Variants in AMD1 observed in about 807,000 individuals in gnomAD.
AMD1 encodes the protein adenosylmethionine decarboxylase 1.
A neutral mutation model predicts 40.2 loss-of-function variants in AMD1; 11 were observed. The observed-to-expected ratio is 0.27, with a 90% CI of 0.17 to 0.45. The LOEUF is 0.45. Ranked by LOEUF, AMD1 falls within the 20% of genes least tolerant of loss-of-function variation. AMD1 has a pLI of 1.00. For synonymous variants in AMD1, 121 were observed against 130.8 expected, an observed-to-expected ratio of 0.93 and a Z score of 0.51; for missense variants, 257 against 410.2, an observed-to-expected ratio of 0.63 and a Z score of 3.23.
At chr6:110,847,723 T>C in the AMD1 span, among the ~76,000 whole-genome samples, 2 of 111,646 alleles carry the variant, frequency 1.8e-5, no homozygotes, top group African/African-American at 6.4e-5. Flanking sequence ...TTGTTTTTTG[T>C]TTTTTTGAGA....
At chr6:110,851,205 A>G in the AMD1 span, among the ~76,000 whole-genome samples, 1 of 152,098 alleles carries the variant, frequency 6.6e-6, no homozygotes, top group Non-Finnish European at 1.5e-5. Flanking sequence ...ACCTCAGGTG[A>G]TCCATCTGCC....
the AMD1 span, chr6:110,858,652 CGGGGTG>C: frequency 8.2e-7 from 1 of 1,224,930 alleles, no homozygotes; most frequent in African/African-American, 1.5e-5. Context: ...GGCTGCAGAG[CGGGGTG>C]GACATCGGCC....
intron 1 of AMD1, chr6:110,875,474 G>A: frequency 4.9e-6 from 2 of 410,742 alleles, no homozygotes; most frequent in Non-Finnish European, 8.7e-6. Flanking sequence ...GCGCGGCCGC[G>A]TGCTCAGGTA....
the AMD1 span, among the ~76,000 whole-genome samples, chr6:110,820,532 C>T: frequency 6.6e-6 from 1 of 151,872 alleles, no homozygotes; most frequent in Non-Finnish European, 1.5e-5. Context: ...CTACCACACC[C>T]GGCTGGTAGT....
the AMD1 span, among the ~76,000 whole-genome samples, chr6:110,868,193 G>C: frequency 6.6e-6 from 1 of 151,762 alleles, no homozygotes; most frequent in African/African-American, 2.4e-5. Flanking sequence ...TGTCACCCAG[G>C]CTGGAGTACA....
the AMD1 span, among the ~76,000 whole-genome samples, chr6:110,830,078 G>A: frequency 2.6e-5 from 4 of 151,794 alleles, no homozygotes; most frequent in East Asian, 1.9e-4. Flanking sequence ...GCAGTGGCGC[G>A]ATCTCGGCTC....
At chr6:110,871,636 G>C (rs547935809), upstream of AMD1, among the ~76,000 whole-genome samples, 6 of 152,310 alleles carry the variant, frequency 3.9e-5, no homozygotes, top group East Asian at 1.2e-3. Context: ...TCAGTGGAAA[G>C]CTTGAGTTGA....
chr6:110,853,323 T>C, the AMD1 span, among the ~76,000 whole-genome samples: 1 of 151,346 alleles, frequency 6.6e-6, no homozygotes, highest in Admixed American at 6.6e-5. Context: ...TTTTTTTTTT[T>C]TTGAGACGGA....
chr6:110,828,241 G>A, the AMD1 span, among the ~76,000 whole-genome samples: 1 of 152,146 alleles, frequency 6.6e-6, no homozygotes, highest in Non-Finnish European at 1.5e-5. Flanking sequence ...GACCAGCCTG[G>A]CCAACATGGC....
chr6:110,868,056 C>T, the AMD1 span, among the ~76,000 whole-genome samples: 1 of 151,936 alleles, frequency 6.6e-6, no homozygotes, highest in African/African-American at 2.4e-5. Flanking sequence ...AACTCCTGGC[C>T]TCAAGTCACC....
the AMD1 span, among the ~76,000 whole-genome samples, chr6:110,820,090 T>C: frequency 3.3e-5 from 5 of 152,198 alleles, no homozygotes; most frequent in Non-Finnish European, 7.3e-5. Context: ...TTGTTTATCA[T>C]GTAACCAAGA....
At chr6:110,886,585 G>A (rs1019466297) in intron 1 of AMD1, among the ~76,000 whole-genome samples, 4 of 152,144 alleles carry the variant, frequency 2.6e-5, no homozygotes, top group Admixed American at 1.3e-4. Flanking sequence ...GATTACAGGC[G>A]TGAACCACCA....
Position 110,885,908 on chromosome 6 carries a change from G to A in AMD1, c.111-1597G>A, listed in dbSNP as rs145482982. 5.3e-5 allele frequency among the ~76,000 whole-genome samples: 8 copies of A among 152,236 alleles called. No homozygotes were observed. The South Asian group carries it at 8.3e-4, about 16-fold the overall frequency. On this transcript the variant is annotated intron_variant, in intron 1 of 8. Transcript: ENST00000368885. ...GTTGTGTTTGCTTTTTAATACAAACGAATAAAAACATTTTGCTGTTGGATT... is the reference window on the plus strand; with the variant it reads ...GTTGTGTTTGCTTTTTAATACAAACAAATAAAAACATTTTGCTGTTGGATT...
the AMD1 span, among the ~76,000 whole-genome samples, chr6:110,818,596 T>C: frequency 1.3e-5 from 2 of 152,138 alleles, no homozygotes; most frequent in East Asian, 3.8e-4. Context: ...GCTGGAATGC[T>C]GTGGCGCGAT....
At chr6:110,860,832 C>A in the AMD1 span, among the ~76,000 whole-genome samples, 1 of 116,662 alleles carries the variant, frequency 8.6e-6, no homozygotes. Flanking sequence ...AAAACACCCA[C>A]CCACACACAC....
the AMD1 span, among the ~76,000 whole-genome samples, chr6:110,826,352 C>T: frequency 1.3e-5 from 2 of 151,224 alleles, no homozygotes; most frequent in East Asian, 1.9e-4. Context: ...AAGGGTTGCC[C>T]GCCTCCTTCT....
upstream of AMD1, chr6:110,874,761 G>C (rs546683314): frequency 2.2e-5 from 4 of 182,848 alleles, no homozygotes; most frequent in African/African-American, 7.1e-5. Context: ...GGATATATAA[G>C]GGCGGTGCTC....
the AMD1 span, chr6:110,814,895 C>T: frequency 7.1e-7 from 1 of 1,408,996 alleles, no homozygotes; most frequent in Non-Finnish European, 9.8e-7. Context: ...CCCCGCGACC[C>T]CCTCCGCCTC....
chr6:110,874,271 C>G (rs946388903), upstream of AMD1, among the ~76,000 whole-genome samples: 4 of 152,194 alleles, frequency 2.6e-5, no homozygotes, highest in African/African-American at 9.7e-5. Context: ...GCGTCACGGA[C>G]AAATGTTTAG....
Sources: gnomAD v4.1 joint callset for allele counts (sites outside exome capture counted in the v4.1 genomes callset) on GRCh38, gnomAD v4.1.1 for gene constraint, MANE v1.5 for transcripts, NCBI Gene and HGNC (gene_info 2026-07-23, HGNC 2026-07-21) for gene names.